Variants in MID1 observed in about 807,000 individuals in gnomAD.
MID1 encodes the protein E3 ubiquitin-protein ligase Midline-1.
MID1 carries 7 observed loss-of-function variants against 40.4 expected under a neutral mutation model. The observed-to-expected ratio is 0.17, with a 90% CI of 0.10 to 0.33. The LOEUF is 0.33. Among genes scored for constraint, MID1 ranks in the 10% least tolerant of loss-of-function variants. The pLI, the probability that MID1 is intolerant of heterozygous loss-of-function variation, is 1.00. For synonymous variants in MID1, 229 were observed against 221.2 expected, an observed-to-expected ratio of 1.04 and a Z score of -0.31; for missense variants, 367 against 558.5, an observed-to-expected ratio of 0.66 and a Z score of 3.46.
chrX:10,720,280 A>C (rs1026393633), intron 1 of MID1, among the ~76,000 whole-genome samples: 3 of 111,809 alleles, frequency 2.7e-5, no homozygotes, highest in Non-Finnish European at 3.8e-5. Flanking sequence ...AATGGGAGAA[A>C]ATTTTTGCAA....
chrX:10,470,209 G>T (rs1929623710), intron 6 of MID1, among the ~76,000 whole-genome samples: 1 of 112,187 alleles, frequency 8.9e-6, no homozygotes, highest in Non-Finnish European at 1.9e-5. Context: ...TTTCAGTAAA[G>T]GCCTTGATGG....
intron 4 of MID1, among the ~76,000 whole-genome samples, chrX:10,485,701 ATTTTTATATAAATC>A (rs1930578735): frequency 8.9e-6 from 1 of 111,785 alleles, no homozygotes; most frequent in Non-Finnish European, 1.9e-5. Context: ...TTAAACACTT[ATTTTTATATAAATC>A]TTTTTATATG....
In MID1 at chrX:10,776,589, G is replaced by T. The variant is rs141660944; in HGVS notation, c.-187+56965C>A. Reference sequence around the variant, plus strand: ...GATAAGAAAACAGAAAAAGAGGTCAGGTGTGGTGGCTCATGTCTGTAATCC... The same window carrying T: ...GATAAGAAAACAGAAAAAGAGGTCATGTGTGGTGGCTCATGTCTGTAATCC... On this transcript the variant is annotated intron_variant, in intron 1 of 10. Transcript: ENST00000380785. 7.1e-3 allele frequency among the ~76,000 whole-genome samples: 786 copies of T among 110,966 alleles called. 5 individuals carry two copies. The highest frequency in any genetic ancestry group is 0.025 in the African/African-American group (751 of 30,515).
chrX:10,674,772 C>G (rs1288623044), intron 1 of MID1, among the ~76,000 whole-genome samples: 1 of 112,038 alleles, frequency 8.9e-6, no homozygotes, highest in Non-Finnish European at 1.9e-5. Context: ...ATTCCGTAAA[C>G]AATTCCTAAA....
intron 1 of MID1, among the ~76,000 whole-genome samples, chrX:10,587,565 A>G (rs758554066): frequency 8.9e-6 from 1 of 112,602 alleles, no homozygotes; most frequent in South Asian, 3.7e-4. Context: ...CGACTGGAGG[A>G]CCACCTTAGT....
intron 3 of MID1, among the ~76,000 whole-genome samples, chrX:10,520,555 C>T (rs910671678): frequency 8.0e-5 from 9 of 112,095 alleles, no homozygotes; most frequent in Non-Finnish European, 1.5e-4. Context: ...ACTGCGTAGA[C>T]GATCAAAGGG....
At chrX:10,775,162 G>C (rs2043794440) in intron 1 of MID1, among the ~76,000 whole-genome samples, 1 of 107,610 alleles carries the variant, frequency 9.3e-6, no homozygotes, top group Non-Finnish European at 1.9e-5. Flanking sequence ...GAGGGGGAGA[G>C]GGAGCAAGAA....
chrX:10,465,214 T>TATATATATATATACACACACAC (rs1477864693), intron 7 of MID1, among the ~76,000 whole-genome samples: 6 of 39,896 alleles, frequency 1.5e-4, no homozygotes, highest in South Asian at 1.2e-3. Flanking sequence ...TATATATATA[T>TATATATATATATACACACACAC]ACACACACAC....
intron 1 of MID1, among the ~76,000 whole-genome samples, chrX:10,692,542 G>A (rs748808061): frequency 2.7e-5 from 3 of 110,316 alleles, no homozygotes; most frequent in East Asian, 2.9e-4. Flanking sequence ...GCTTGAACCC[G>A]GGAGGCAGAG....
intron 1 of MID1, among the ~76,000 whole-genome samples, chrX:10,772,036 C>T (rs193210623): frequency 1.8e-5 from 2 of 110,637 alleles, no homozygotes; most frequent in East Asian, 5.7e-4. Flanking sequence ...GAAAAAGATG[C>T]TTGCACACGC....
At chrX:10,577,681 C>T (rs974768837) in intron 1 of MID1, among the ~76,000 whole-genome samples, 2 of 108,102 alleles carry the variant, frequency 1.9e-5, no homozygotes, top group South Asian at 4.0e-4. Context: ...ATTACATACA[C>T]GGTATATATA....
chrX:10,555,967 T>TTCC (rs745631461), intron 2 of MID1, among the ~76,000 whole-genome samples: 188 of 109,888 alleles, frequency 1.7e-3, no homozygotes, highest in Middle Eastern at 4.6e-3. Context: ...CTTCAGCGCT[T>TTCC]TCCTCCTCCT....
intron 1 of MID1, among the ~76,000 whole-genome samples, chrX:10,609,125 GGATA>G (rs1419267172): frequency 9.3e-6 from 1 of 107,904 alleles, no homozygotes; most frequent in African/African-American, 3.5e-5. Context: ...TACATTACAG[GGATA>G]TTTATACATA....
chrX:10,481,969 C>T (rs1481018532), intron 5 of MID1, among the ~76,000 whole-genome samples: 2 of 112,048 alleles, frequency 1.8e-5, no homozygotes, highest in East Asian at 2.8e-4. Context: ...CCTTTCTCTC[C>T]TGCGTGAGTT....
At chrX:10,597,805 A>T (rs145826494) in intron 1 of MID1, among the ~76,000 whole-genome samples, 1,135 of 111,705 alleles carry the variant, frequency 0.01, 18 homozygotes, top group African/African-American at 0.035. Context: ...AACCTTGAAT[A>T]CATTTTTAAC....
Position 10,457,244 on chromosome X carries a change from G to A in MID1, c.1448-2167C>T, listed in dbSNP as rs142909721. Among the ~76,000 whole-genome samples, 534 of 111,374 alleles carry A rather than the reference G, an allele frequency of 4.8e-3. 3 individuals are homozygous for A. The highest frequency in any genetic ancestry group is 0.019 in the Middle Eastern group (4 of 214). On this transcript the variant is annotated intron_variant, in intron 8 of 9. Transcript: ENST00000317552. Reference sequence around the variant, plus strand: ...GAATGTCAGAGCCATTGGAAAGACCGGCCTTGTGATGGTGACATACTGCCT... The same window carrying A: ...GAATGTCAGAGCCATTGGAAAGACCAGCCTTGTGATGGTGACATACTGCCT...
intron 1 of MID1, among the ~76,000 whole-genome samples, chrX:10,665,532 T>G (rs2042944355): frequency 9.2e-6 from 1 of 108,804 alleles, no homozygotes; most frequent in Non-Finnish European, 1.9e-5. Context: ...TAGCCACTTT[T>G]TTTTTTTTTT....
intron 1 of MID1, among the ~76,000 whole-genome samples, chrX:10,670,140 A>G (rs2042978768): frequency 8.9e-6 from 1 of 112,621 alleles, no homozygotes; most frequent in African/African-American, 3.2e-5. Context: ...TGTCCCTTTC[A>G]CATAGTAGAT....
At position 10,809,182 on chromosome X, in the gene MID1, C is replaced by T. The variant is rs2044074170; in HGVS notation, c.-187+24372G>A. The stretch of plus-strand genomic sequence containing the variant: ...GCCAAAAGACACATGAAAAAATGCT[C>T]ATCATCACTGGCCATCAGAGAAATG... On this transcript the variant is annotated intron_variant, in intron 1 of 10. Coordinates refer to the MID1 transcript ENST00000380785. Among the ~76,000 whole-genome samples, 14 of 112,003 alleles carry T rather than the reference C, an allele frequency of 1.2e-4. No individual in the cohort carries two copies. In the South Asian group the frequency reaches 5.3e-3, roughly 42 times the overall value.
Sources: allele counts gnomAD v4.1 joint callset (sites outside exome capture counted in the v4.1 genomes callset), GRCh38; gene constraint gnomAD v4.1.1; transcripts MANE v1.5; gene names NCBI Gene and HGNC (gene_info 2026-07-23, HGNC 2026-07-21).